ARCN1: variants seen among roughly 807,000 people sequenced by gnomAD.
The protein encoded by ARCN1 is archain 1 coat protein complex I subunit delta.
ARCN1 carries 5 observed loss-of-function variants against 60.4 expected under a neutral mutation model. The ratio of observed to expected loss-of-function variants is 0.08; its 90% CI spans 0.04 to 0.17. ARCN1 has a LOEUF of 0.17. ARCN1 is among the 10% of genes least tolerant of loss of function. The probability of loss-of-function intolerance (pLI) is 1.00; values close to 1 mark genes in which losing one functional copy is unlikely to be tolerated. For missense variants in ARCN1, 464 were observed against 626.5 expected, an observed-to-expected ratio of 0.74 and a Z score of 2.77; for synonymous variants, 224 against 220.0, an observed-to-expected ratio of 1.02 and a Z score of -0.16.
At position 118,582,554 on chromosome 11, in the gene ARCN1, G is replaced by A. The variant is rs558995471; in HGVS notation, c.268-625G>A. 6.9e-4 allele frequency among the ~76,000 whole-genome samples: 105 copies of A among 151,122 alleles called. 1 individual carries two copies. The highest frequency in any genetic ancestry group is 2.5e-3 in the African/African-American group (103 of 41,202). ...AGCCTGACCAACGTGGTGAAACCTC[G>A]TCTCTACTCAAAATACAAAAAAATT... On this transcript the variant is annotated intron_variant, in intron 2 of 9. Transcript: ENST00000264028.
chr11:118,576,759 A>C (rs1317032639), intron 1 of ARCN1, among the ~76,000 whole-genome samples: 1 of 152,154 alleles, frequency 6.6e-6, no homozygotes, highest in African/African-American at 2.4e-5. Flanking sequence ...TCGGAGATTT[A>C]TGCTATACTT....
intron 1 of ARCN1, among the ~76,000 whole-genome samples, chr11:118,575,968 G>A (rs1190279033): frequency 7.0e-6 from 1 of 142,448 alleles, no homozygotes; most frequent in Non-Finnish European, 1.5e-5. Context: ...TTCTGTCACT[G>A]TAGTTGTTTT....
At chr11:118,597,973 G>A (rs1451533428) in intron 9 of ARCN1, 62 bp downstream of exon 9, 12 of 1,544,120 alleles carry the variant, frequency 7.8e-6, no homozygotes, top group South Asian at 1.1e-5. Flanking sequence ...AACACGTATA[G>A]GATGCCAGAC....
rs199587100 is a variant in ARCN1 at position 118,583,290 on chromosome 11, T to C, written c.379T>C (p.Leu127=). 5 of 1,614,218 alleles carry C rather than the reference T, an allele frequency of 3.1e-6. No individual in the cohort carries two copies. Among genetic ancestry groups the C allele is most frequent in the Non-Finnish European group, 4.2e-6 (5 of 1,180,040 alleles). The stretch of plus-strand genomic sequence containing the variant: ...ACTGGGATACCGGGAGAATGTTAAC[T>C]TGGCACAGATCAGAACCTTCACAGA... ...VALGYRENVN[L]AQIRTFTEMD... Residue 127 remains leucine, a synonymous_variant, in exon 3 of 10, where the codon TTG becomes CTG. Transcript: ENST00000264028.
At chr11:118,600,384 C>G (rs184102583) in intron 9 of ARCN1, among the ~76,000 whole-genome samples, 1 of 152,326 alleles carries the variant, frequency 6.6e-6, no homozygotes, top group East Asian at 1.9e-4. Context: ...TTACTTAATA[C>G]TACGGAACAT....
intron 2 of ARCN1, among the ~76,000 whole-genome samples, chr11:118,581,937 G>GACAGACACACACACACACACACACACAC (rs1555074708): frequency 1.2e-4 from 17 of 140,812 alleles, no homozygotes; most frequent in African/African-American, 4.4e-4. Context: ...CAGACAGACA[G>GACAGACACACACACACACACACACACAC]ACACACACAC....
chr11:118,572,706 C>T, intron 1 of ARCN1, 156 bp downstream of exon 1: 1 of 854,086 alleles, frequency 1.2e-6, no homozygotes, highest in Non-Finnish European at 1.8e-6. Flanking sequence ...CCTCCTGTGC[C>T]CGGTCTCCTG....
In ARCN1 at chr11:118,597,718, G is replaced by T. The variant is rs782282496; in HGVS notation, c.1253G>T (p.Gly418Val). 1.2e-6 allele frequency: 2 copies of T among 1,613,930 alleles called. No homozygotes were observed. The highest frequency in any genetic ancestry group is 2.7e-5 in the African/African-American group (2 of 74,900). Reference protein sequence around the residue: ...VITIPLPSGVGAPVIGEIDGE... With the variant: ...VITIPLPSGVVAPVIGEIDGE... ...GTTTCTCACAACAGGTCTGGTGTCG[G>T]CGCGCCTGTTATCGGTGAGATCGAT... The change falls in exon 9 of 10, where the codon GGC (glycine) becomes GTC (valine). Residue 418 changes from glycine to valine, a missense_variant. By Grantham distance (109) the Gly-to-Val change is moderately radical. Around this residue, in one of 2 missense-constraint regions of ARCN1, gnomAD observed 359 missense variants for 440.2 expected, o/e 0.82. Coordinates refer to ENST00000264028, the MANE Select transcript of ARCN1 (RefSeq NM_001655.5).
intron 5 of ARCN1, among the ~76,000 whole-genome samples, chr11:118,589,918 T>G (rs1273458800): frequency 6.6e-6 from 1 of 152,170 alleles, no homozygotes; most frequent in Non-Finnish European, 1.5e-5. Flanking sequence ...GTAGCACCTT[T>G]AAAAAAACGT....
rs1256529493 is a variant in ARCN1 at position 118,601,400 on chromosome 11, T to C, written c.*686T>C. On this transcript the variant is annotated 3_prime_UTR_variant, in exon 10 of 10. Coordinates refer to ENST00000264028, the MANE Select transcript of ARCN1 (RefSeq NM_001655.5). ...AATCCCTAAATATAATCCCTAAATATAGTTATATTTCATACTTAGTTTGTT... is the reference window on the plus strand; with the variant it reads ...AATCCCTAAATATAATCCCTAAATACAGTTATATTTCATACTTAGTTTGTT... 3.4e-6 allele frequency: 2 copies of C among 579,926 alleles called. No individual in the cohort carries two copies. The highest frequency in any genetic ancestry group is 6.2e-6 in the Non-Finnish European group (2 of 323,096). 35.9% of individuals were successfully genotyped at this position (579,926 alleles called of 1,614,324 possible). A position where few individuals can be genotyped will look rare whatever the true frequency, so the allele number is the denominator to read the frequency against.
chr11:118,573,381 T>G (rs1267413586), intron 1 of ARCN1, among the ~76,000 whole-genome samples: 3 of 152,182 alleles, frequency 2.0e-5, no homozygotes, highest in African/African-American at 7.2e-5. Flanking sequence ...TCCCATGCGT[T>G]ATCTTTGTAT....
intron 5 of ARCN1, 25 bp downstream of exon 5, chr11:118,584,669 T>C: frequency 6.4e-7 from 1 of 1,571,174 alleles, no homozygotes; most frequent in Non-Finnish European, 8.6e-7. Context: ...TGAGTAAGAA[T>C]TCAAGCTTTG....
At chr11:118,578,172 T>A (rs868965871) in intron 1 of ARCN1, among the ~76,000 whole-genome samples, 6 of 114,910 alleles carry the variant, frequency 5.2e-5, no homozygotes. Context: ...AAAAAATAAA[T>A]AAATAAATAA....
chr11:118,584,719 G>A, intron 5 of ARCN1, 75 bp downstream of exon 5: 11 of 1,294,306 alleles, frequency 8.5e-6, no homozygotes, highest in Non-Finnish European at 9.4e-6. Context: ...TTATTTCAGT[G>A]TGCTATAAAT....
intron 5 of ARCN1, among the ~76,000 whole-genome samples, chr11:118,585,156 T>G (rs1938751232): frequency 6.6e-6 from 1 of 151,862 alleles, no homozygotes; most frequent in Admixed American, 6.6e-5. Context: ...TGAGACAGGG[T>G]CTTACTATGT....
At chr11:118,600,307 A>G (rs1214969002) in intron 9 of ARCN1, among the ~76,000 whole-genome samples, 1 of 152,234 alleles carries the variant, frequency 6.6e-6, no homozygotes, top group African/African-American at 2.4e-5. Context: ...TCATCCTGAT[A>G]GAATGTCTAT....
chr11:118,584,686 G>A, intron 5 of ARCN1, 42 bp downstream of exon 5: 6 of 1,482,974 alleles, frequency 4.0e-6, no homozygotes, highest in Non-Finnish European at 5.4e-6. Context: ...TTTGAATACA[G>A]TCCACATAAT....
At chr11:118,597,978 C>A in intron 9 of ARCN1, 67 bp downstream of exon 9, 1 of 1,501,974 alleles carries the variant, frequency 6.7e-7, no homozygotes, top group Admixed American at 1.8e-5. Context: ...GTATAGGATG[C>A]CAGACAGGTA....
At chr11:118,584,405 A>G in intron 4 of ARCN1, 75 bp from the exon 5 acceptor site, 1 of 1,408,216 alleles carries the variant, frequency 7.1e-7, no homozygotes, top group Non-Finnish European at 9.5e-7. Flanking sequence ...GACGGGAGAT[A>G]CAAAATTTTC....
Sources: gnomAD v4.1 joint callset for allele counts (sites outside exome capture counted in the v4.1 genomes callset) on GRCh38, gnomAD v4.1.1 for gene constraint, gnomAD v4.1.1 regional missense constraint, MANE v1.5 for transcripts, NCBI Gene and HGNC (gene_info 2026-07-23, HGNC 2026-07-21) for gene names.